MGMT: variants seen among roughly 807,000 people sequenced by gnomAD.
MGMT encodes methylated-DNA--protein-cysteine methyltransferase.
In MGMT, 14 loss-of-function variants were observed where a neutral mutation model predicts 15.9. The observed-to-expected ratio is 0.88, with a 90% CI of 0.58 to 1.37. MGMT has a LOEUF of 1.37. MGMT is among the 40% of genes most tolerant of loss of function. The pLI, the probability that MGMT is intolerant of heterozygous loss-of-function variation, is 0.00. For synonymous variants in MGMT, 130 were observed against 118.2 expected, an observed-to-expected ratio of 1.10 and a Z score of -0.65; for missense variants, 282 against 268.1, an observed-to-expected ratio of 1.05 and a Z score of -0.36.
At chr10:129,503,415 C>T (rs1427035058) in intron 1 of MGMT, among the ~76,000 whole-genome samples, 2 of 152,168 alleles carry the variant, frequency 1.3e-5, no homozygotes, top group African/African-American at 4.8e-5. Flanking sequence ...GGTAATTGCA[C>T]ACAAATGTGA....
At position 129,659,880 on chromosome 10, in the gene MGMT, G is replaced by C. The variant is rs907644513; in HGVS notation, c.126-48015G>C. ...GATGTTTGGGCACGGGCGACAGGACGTAGGGTGGTCATCCGAATATCCCTG... is the reference window on the plus strand; with the variant it reads ...GATGTTTGGGCACGGGCGACAGGACCTAGGGTGGTCATCCGAATATCCCTG... On this transcript the variant is annotated intron_variant, in intron 2 of 4. Coordinates refer to ENST00000651593, the MANE Select transcript of MGMT (RefSeq NM_002412.5). This position sits in a 1 kb window ranked among gnomAD's most constrained non-coding sequence, Gnocchi z 4.1. 6.6e-6 allele frequency among the ~76,000 whole-genome samples: 1 copy of C among 152,192 alleles called. No individual in the cohort carries two copies. The highest frequency in any genetic ancestry group is 1.5e-5 in the Non-Finnish European group (1 of 68,036).
chr10:129,521,645 T>TG (rs1478009698), intron 1 of MGMT, among the ~76,000 whole-genome samples: 1 of 152,116 alleles, frequency 6.6e-6, no homozygotes, highest in African/African-American at 2.4e-5. Context: ...CCTGGTACCT[T>TG]GGGGAGATGT....
chr10:129,504,675 C>T (rs1845607532), intron 1 of MGMT, among the ~76,000 whole-genome samples: 1 of 152,182 alleles, frequency 6.6e-6, no homozygotes, highest in Non-Finnish European at 1.5e-5. Flanking sequence ...CCAGAACATC[C>T]TCCCCTGGCC....
intron 2 of MGMT, among the ~76,000 whole-genome samples, chr10:129,606,157 GTAATCA>G (rs1228569250): frequency 1.3e-5 from 2 of 152,204 alleles, no homozygotes; most frequent in African/African-American, 4.8e-5. Flanking sequence ...ACCCAACAGT[GTAATCA>G]AGGTGCTAGG....
At chr10:129,735,230 A>G (rs1848546432) in intron 3 of MGMT, among the ~76,000 whole-genome samples, 2 of 152,178 alleles carry the variant, frequency 1.3e-5, no homozygotes, top group African/African-American at 4.8e-5. Flanking sequence ...TATTGCCACA[A>G]TTTCAGCTCC....
chr10:129,757,584 C>G (rs898079489), intron 3 of MGMT, among the ~76,000 whole-genome samples: 1 of 152,254 alleles, frequency 6.6e-6, no homozygotes, highest in African/African-American at 2.4e-5. Flanking sequence ...CAGCTGTCCC[C>G]GAAATCTCTT....
rs529729582 is a variant in MGMT at position 129,609,505 on chromosome 10, G to C, written c.125+73128G>C. Among the ~76,000 whole-genome samples, 6 of 152,334 alleles carry C rather than the reference G, an allele frequency of 3.9e-5. 1 individual carries two copies. In the South Asian group the frequency reaches 8.3e-4, roughly 21 times the overall value. ...GAGGTTTGCTGGGGTAACCCTAGGC[G>C]GTAGGTGTTGCCACCCAAGGTGAAG... On this transcript the variant is annotated intron_variant, in intron 2 of 4. Coordinates refer to ENST00000651593, the MANE Select transcript of MGMT (RefSeq NM_002412.5).
intron 2 of MGMT, among the ~76,000 whole-genome samples, chr10:129,656,926 C>A (rs1350879450): frequency 6.6e-6 from 1 of 152,072 alleles, no homozygotes; most frequent in Non-Finnish European, 1.5e-5. Flanking sequence ...ACGTCTCAGA[C>A]CCAACTCTCG....
chr10:129,680,765 C>T lies in MGMT; in HGVS notation c.126-27130C>T, dbSNP rs568409368. On this transcript the variant is annotated intron_variant, in intron 2 of 4. Coordinates refer to ENST00000651593, the MANE Select transcript of MGMT (RefSeq NM_002412.5). ...TGACCCTCCTTTGCCCCCGTGGGGA[C>T]GTGGCTGCTGCTTCCCCCGTGTGCC... Among the ~76,000 whole-genome samples the T allele has an allele frequency of 4.6e-5, 7 of 152,334 alleles. 1 individual carries two copies. In the South Asian group the frequency reaches 6.2e-4, roughly 14 times the overall value.
At chr10:129,478,134 C>T (rs991367734) in intron 1 of MGMT, among the ~76,000 whole-genome samples, 14 of 152,152 alleles carry the variant, frequency 9.2e-5, no homozygotes, top group East Asian at 3.9e-4. Flanking sequence ...GAGGAACCTG[C>T]GCCCTGATGG....
At chr10:129,489,148 C>G (rs929128132) in intron 1 of MGMT, among the ~76,000 whole-genome samples, 2 of 152,012 alleles carry the variant, frequency 1.3e-5, no homozygotes, top group Non-Finnish European at 2.9e-5. Context: ...ATCATGAGTT[C>G]AGGAGTTTGA....
At chr10:129,483,675 G>A (rs1473176139) in intron 1 of MGMT, among the ~76,000 whole-genome samples, 1 of 151,782 alleles carries the variant, frequency 6.6e-6, no homozygotes, top group East Asian at 1.9e-4. Context: ...GCCACCTCTG[G>A]CCACTAAGGT....
intron 2 of MGMT, among the ~76,000 whole-genome samples, chr10:129,607,153 G>A (rs998602375): frequency 1.2e-4 from 18 of 152,010 alleles, no homozygotes; most frequent in Admixed American, 4.6e-4. Flanking sequence ...AGTGCAGTCC[G>A]GGCCAGCAGA....
chr10:129,640,090 T>C (rs1847311207), intron 2 of MGMT, among the ~76,000 whole-genome samples: 1 of 150,952 alleles, frequency 6.6e-6, no homozygotes, highest in Non-Finnish European at 1.5e-5. Context: ...CTTAGATAAA[T>C]GAATAACTTT....
chr10:129,723,895 C>T (rs527964801), intron 3 of MGMT, among the ~76,000 whole-genome samples: 17 of 152,300 alleles, frequency 1.1e-4, no homozygotes, highest in African/African-American at 2.2e-4. Flanking sequence ...CAGAGACTGC[C>T]GCAGCCTCGC....
chr10:129,648,179 C>T (rs1847418631), intron 2 of MGMT, among the ~76,000 whole-genome samples: 1 of 151,952 alleles, frequency 6.6e-6, no homozygotes, highest in South Asian at 2.1e-4. Flanking sequence ...TTACACTTTC[C>T]ACCTTTTGCT....
At chr10:129,549,131 A>T (rs1397374511) in intron 2 of MGMT, among the ~76,000 whole-genome samples, 2 of 152,166 alleles carry the variant, frequency 1.3e-5, no homozygotes, top group Admixed American at 1.3e-4. Context: ...TGCCTGTTGG[A>T]GACACCGTGT....
chr10:129,670,791 CT>C (rs1847712299), intron 2 of MGMT, among the ~76,000 whole-genome samples: 1 of 152,182 alleles, frequency 6.6e-6, no homozygotes, highest in South Asian at 2.1e-4. Flanking sequence ...TCAAAGCTCT[CT>C]CAGGAATTCG....
chr10:129,746,536 T>C (rs544107632), intron 3 of MGMT, among the ~76,000 whole-genome samples: 1 of 152,256 alleles, frequency 6.6e-6, no homozygotes, highest in East Asian at 1.9e-4. Flanking sequence ...TGCCTATGGA[T>C]ATCCAATTTT....
Sources: gnomAD v4.1 joint callset for allele counts (sites outside exome capture counted in the v4.1 genomes callset) on GRCh38, gnomAD v4.1.1 for gene constraint, Gnocchi (gnomAD v3.1) non-coding constraint, MANE v1.5 for transcripts, NCBI Gene and HGNC (gene_info 2026-07-23, HGNC 2026-07-21) for gene names.